The following RANBP3 variants were observed in gnomAD, a reference collection of about 807,000 sequenced individuals.
RANBP3 encodes RAN binding protein 3, also known as ran-binding protein 3.
Under a neutral mutation model 77.3 loss-of-function variants are expected in RANBP3, and 14 were observed. That is an observed-to-expected ratio of 0.18 (90% confidence interval 0.12 to 0.28). The LOEUF (loss-of-function observed/expected upper bound fraction) is 0.28. RANBP3 is among the 10% of genes least tolerant of loss of function. The pLI, the probability that RANBP3 is intolerant of heterozygous loss-of-function variation, is 1.00. For missense variants in RANBP3, 586 were observed against 752.3 expected (o/e 0.78, Z 2.59); for synonymous variants, 315 against 312.4 (o/e 1.01, Z -0.09).
chr19:5,939,866 C>T (rs905390364), intron 5 of RANBP3, among the ~76,000 whole-genome samples: 7 of 152,258 alleles, frequency 4.6e-5, no homozygotes, highest in Non-Finnish European at 1.5e-5. Context: ...CCCTGCACCT[C>T]TGCAGGGGCA....
rs1207616323 is a variant in RANBP3, at chr19:5,925,559, A to T, written c.917+75T>A. 8 of 1,304,814 alleles carry T rather than the reference A, an allele frequency of 6.1e-6. No homozygotes were observed. In the Admixed American group the frequency reaches 1.0e-4, roughly 17 times the overall value. The allele number at this position is 1,304,814 out of a possible 1,614,324, so 80.8% of individuals were successfully genotyped here. A position where few individuals can be genotyped will look rare whatever the true frequency, so the allele number is the denominator to read the frequency against. On this transcript the variant is annotated intron_variant, in intron 10 of 16. Transcript: ENST00000340578. ...CCTGAGTCGGGCACGGGGACCACAG[A>T]CCCCTCTCTGGCAGAAGCCCTCGCG...
At chr19:5,946,830 A>G (rs1231564135) in intron 3 of RANBP3, among the ~76,000 whole-genome samples, 2 of 152,208 alleles carry the variant, frequency 1.3e-5, no homozygotes, top group African/African-American at 4.8e-5. Flanking sequence ...AGCCAATGCC[A>G]GCTCCACATT....
At chr19:5,930,555 A>G (rs1311417456) in intron 8 of RANBP3, among the ~76,000 whole-genome samples, 2 of 151,672 alleles carry the variant, frequency 1.3e-5, no homozygotes, top group African/African-American at 4.8e-5. Flanking sequence ...TCCAAACCAT[A>G]CCCCCGCTTA....
intron 1 of RANBP3, among the ~76,000 whole-genome samples, chr19:5,976,830 A>C (rs1161711026): frequency 6.6e-6 from 1 of 152,186 alleles, no homozygotes; most frequent in Non-Finnish European, 1.5e-5. Flanking sequence ...GCCCAACACC[A>C]CACAGAATCA....
rs760118101 is a variant in RANBP3 at position 5,924,789 on chromosome 19, C to T, written c.996+38G>A. The T allele has an allele frequency of 1.8e-5, 28 of 1,588,052 alleles. 1 individual carries two copies. In the South Asian group the frequency reaches 3.0e-4, roughly 17 times the overall value. On this transcript the variant is annotated intron_variant, in intron 11 of 16. Transcript: ENST00000340578. The surrounding 1 kb of genome is among the most constrained non-coding windows in gnomAD (Gnocchi z 4.7). ...TTGACCTGTGGCTGGCGCCGAGAGC[C>T]TCTGGTCCCTGAGAACATTCCCAAC...
rs2058275351 is a variant in RANBP3 at position 5,951,518 on chromosome 19, C to T, written c.157G>A (p.Gly53Ser). ...TGCTCGCCAGCTGACTCGGGGTGAC[C>T]CGTGCCATGGTGGGGGGCCTCAGCC... The part of the protein sequence containing the change: ...GEAEAPHHGT[G>S]HPESAGEHAL... Residue 53 changes from glycine (G) to serine (S), a missense_variant, in exon 3 of 17, where the codon GGT (glycine) becomes AGT (serine). Transcript: ENST00000340578. The T allele has an allele frequency of 2.5e-6, 4 of 1,611,798 alleles. No homozygotes were observed. Among genetic ancestry groups the T allele is most frequent in the Admixed American group, 1.7e-5 (1 of 59,816 alleles).
intron 8 of RANBP3, among the ~76,000 whole-genome samples, chr19:5,930,779 G>T (rs1406531659): frequency 1.3e-5 from 2 of 152,152 alleles, no homozygotes; most frequent in Non-Finnish European, 2.9e-5. Context: ...ATGTTGCCCA[G>T]GGTGGTTTTG....
At chr19:5,972,883 C>T (rs923614827) in intron 1 of RANBP3, among the ~76,000 whole-genome samples, 8 of 152,190 alleles carry the variant, frequency 5.3e-5, no homozygotes, top group African/African-American at 1.2e-4. Flanking sequence ...AATGAATGCA[C>T]GAGGGTGCCG....
chr19:5,933,348 T>C, intron 6 of RANBP3, 66 bp downstream of exon 6: 1 of 1,322,364 alleles, frequency 7.6e-7, no homozygotes, highest in Non-Finnish European at 1.0e-6. Context: ...TGCCCTGGTG[T>C]GGCCTAGCAG....
chr19:5,934,858 A>G (rs984890259), intron 5 of RANBP3, among the ~76,000 whole-genome samples: 1 of 152,188 alleles, frequency 6.6e-6, no homozygotes, highest in Non-Finnish European at 1.5e-5. Flanking sequence ...ACATTGTTGG[A>G]AGAAATTAAA....
At chr19:5,978,029 C>A (rs1178670557) in intron 1 of RANBP3, 32 bp downstream of exon 1, 2 of 1,608,474 alleles carry the variant, frequency 1.2e-6, no homozygotes, top group South Asian at 2.2e-5. Context: ...GTTCCCCGGC[C>A]GCCAGCCGGT....
chr19:5,922,424 G>A (rs575786617), intron 13 of RANBP3, among the ~76,000 whole-genome samples: 4 of 152,286 alleles, frequency 2.6e-5, no homozygotes, highest in South Asian at 4.1e-4. Flanking sequence ...TATGTGCCAC[G>A]GGAGAGGAAG....
At chr19:5,944,249 G>A (rs1303260887) in intron 3 of RANBP3, among the ~76,000 whole-genome samples, 1 of 152,238 alleles carries the variant, frequency 6.6e-6, no homozygotes, top group Non-Finnish European at 1.5e-5. Context: ...AGTCAGGGGT[G>A]TGGAGTGAGT....
At chr19:5,929,502 C>T (rs2057959204) in intron 8 of RANBP3, among the ~76,000 whole-genome samples, 1 of 152,234 alleles carries the variant, frequency 6.6e-6, no homozygotes, top group South Asian at 2.1e-4. Flanking sequence ...ATGTCTATGA[C>T]CTGGCGGAGC....
chr19:5,937,200 G>C (rs939651163), intron 5 of RANBP3, among the ~76,000 whole-genome samples: 3 of 151,598 alleles, frequency 2.0e-5, no homozygotes, highest in African/African-American at 7.3e-5. Context: ...AGAGTCTAAA[G>C]TGTCTCTCAG....
chr19:5,964,312 G>GC (rs1282402496), intron 1 of RANBP3, among the ~76,000 whole-genome samples: 6 of 152,168 alleles, frequency 3.9e-5, no homozygotes, highest in Non-Finnish European at 5.9e-5. Flanking sequence ...TGCTTGGCCT[G>GC]CCCCCCCACC....
intron 1 of RANBP3, among the ~76,000 whole-genome samples, chr19:5,975,585 T>G (rs1461885039): frequency 6.7e-6 from 1 of 149,982 alleles, no homozygotes; most frequent in Admixed American, 6.7e-5. Context: ...AAGGGGGCAA[T>G]CAGTGATCAT....
intron 5 of RANBP3, among the ~76,000 whole-genome samples, chr19:5,935,337 T>A (rs1054896952): frequency 1.3e-5 from 2 of 152,210 alleles, no homozygotes; most frequent in African/African-American, 4.8e-5. Flanking sequence ...CGTAACAGAC[T>A]GGTCATAAAA....
chr19:5,925,772 T>A, intron 9 of RANBP3, 35 bp from the exon 10 acceptor site: 2 of 1,203,080 alleles, frequency 1.7e-6, no homozygotes, highest in Non-Finnish European at 2.4e-6. Context: ...TAATCGGGGG[T>A]GGGGGGGTGC....
Sources: allele counts gnomAD v4.1 joint callset (sites outside exome capture counted in the v4.1 genomes callset), GRCh38; gene constraint gnomAD v4.1.1; non-coding constraint Gnocchi (gnomAD v3.1); transcripts MANE v1.5; gene names NCBI Gene and HGNC (gene_info 2026-07-23, HGNC 2026-07-21).